Variants in MYH9 observed in about 807,000 individuals in gnomAD.
MYH9 encodes the protein myosin heavy chain 9.
MYH9 carries 29 observed loss-of-function variants against 241.9 expected under a neutral mutation model. The observed-to-expected ratio is 0.12, with a 90% CI of 0.09 to 0.16. The LOEUF (loss-of-function observed/expected upper bound fraction) is 0.16. Ranked by LOEUF, MYH9 falls within the 10% of genes least tolerant of loss-of-function variation. The probability of loss-of-function intolerance (pLI) is 1.00; values close to 1 mark genes in which losing one functional copy is unlikely to be tolerated. For synonymous variants in MYH9, 1,047 were observed against 1,062.6 expected (o/e 0.99, Z 0.29); for missense variants, 1,803 against 2,595.5 (o/e 0.69, Z 6.63).
At chr22:36,370,412 AG>A (rs1239293957) in intron 1 of MYH9, among the ~76,000 whole-genome samples, 1 of 152,254 alleles carries the variant, frequency 6.6e-6, no homozygotes, top group African/African-American at 2.4e-5. Context: ...ACCATGGGCA[AG>A]GCACCATGCA....
intron 19 of MYH9, among the ~76,000 whole-genome samples, chr22:36,303,396 A>T (rs967736481): frequency 2.6e-5 from 4 of 151,786 alleles, no homozygotes; most frequent in Admixed American, 2.0e-4. Flanking sequence ...CAAGGGTCAC[A>T]CGGTAAGGAG....
At chr22:36,369,428 G>A (rs1023458026) in intron 1 of MYH9, among the ~76,000 whole-genome samples, 1 of 152,230 alleles carries the variant, frequency 6.6e-6, no homozygotes, top group East Asian at 1.9e-4. Flanking sequence ...GCGGCAGGCC[G>A]GCTCTGGGCA....
rs1219742198 is a variant in MYH9, at chr22:36,318,467, T to A, written c.1109-142A>T. ...AGAAAGCCACGGGGTGAATGAGCAA[T>A]CATTACCAGGACAACCGCATCTGGG... is the stretch of plus-strand genomic sequence containing the variant. On this transcript the variant is annotated intron_variant, in intron 10 of 40. Coordinates refer to ENST00000216181, the MANE Select transcript of MYH9 (RefSeq NM_002473.6). 18 of 769,042 alleles carry A rather than the reference T, an allele frequency of 2.3e-5. No individual in the cohort carries two copies. In the Admixed American group the frequency reaches 3.1e-4, roughly 13 times the overall value. 47.6% of individuals were successfully genotyped at this position (769,042 alleles called of 1,614,324 possible).
chr22:36,358,896 A>G (rs1432791487), intron 1 of MYH9, among the ~76,000 whole-genome samples: 1 of 152,210 alleles, frequency 6.6e-6, no homozygotes, highest in Non-Finnish European at 1.5e-5. Flanking sequence ...TAAAATCTGC[A>G]TGCTAAGCAA....
Position 36,294,181 on chromosome 22 carries a change from C to T in MYH9, c.3748G>A (p.Val1250Met), listed in dbSNP as rs774921084. The T allele has an allele frequency of 6.2e-7, 1 of 1,613,906 alleles. No homozygotes were observed. Among genetic ancestry groups the T allele is most frequent in the Non-Finnish European group, 8.5e-7 (1 of 1,180,046 alleles). ...TGCAGCTCCTGCAGCTGCGCCTCCA[C>T]TTTCTTGCGCTTGTGCTCCGAGTCC... ...KGDSEHKRKK[V>M]EAQLQELQVK... Residue 1250 changes from valine to methionine, a missense_variant, in exon 28 of 41, where the codon GTG (valine) becomes ATG (methionine). By Grantham distance (21) the Val-to-Met change is conservative (BLOSUM62 1). This residue lies in a region of MYH9 where 876 missense variants were observed against 1,077.8 expected (regional missense o/e 0.81). Coordinates refer to ENST00000216181, the MANE Select transcript of MYH9 (RefSeq NM_002473.6).
Position 36,293,640 on chromosome 22 carries a change from C to T in MYH9, c.3942+119G>A. On this transcript the variant is annotated intron_variant, in intron 29 of 40. Transcript: ENST00000216181. The surrounding 1 kb of genome is among the most constrained non-coding windows in gnomAD (Gnocchi z 5.1). ...CTGGGAGGACGCAGAGACCCACCCA[C>T]AGGATGAAGCAGATGAAGGAGAGGA... The T allele has an allele frequency of 1.5e-6, 2 of 1,325,828 alleles. No individual in the cohort carries two copies. Among genetic ancestry groups the T allele is most frequent in the Non-Finnish European group, 2.1e-6 (2 of 936,886 alleles). 82.1% of individuals were successfully genotyped at this position (1,325,828 alleles called of 1,614,324 possible).
intron 3 of MYH9, among the ~76,000 whole-genome samples, chr22:36,334,491 T>G (rs899364252): frequency 6.6e-6 from 1 of 152,206 alleles, no homozygotes; most frequent in East Asian, 1.9e-4. Context: ...CCAGACCAGA[T>G]AAGCCAGGAC....
rs745729891 is a variant in MYH9 at position 36,306,030 on chromosome 22, G to A, written c.2059C>T (p.Leu687Phe). Residue 687 changes from leucine (L) to phenylalanine (F), a missense_variant, in exon 17 of 41, where the codon CTC becomes TTC. This residue lies in a region of MYH9 where 163 missense variants were observed against 349.7 expected (regional missense o/e 0.47). Coordinates refer to ENST00000216181, the MANE Select transcript of MYH9 (RefSeq NM_002473.6). The surrounding 1 kb of genome is among the most constrained non-coding windows in gnomAD (Gnocchi z 4.1). ...TTGCAGCGCAGCTGGTCCAGCACGA[G>A]ATGCGGGTCCAGCTTGCCGGCCTGG... The part of the protein sequence containing the change: ...EKKAGKLDPH[L>F]VLDQLRCNGV... 6.2e-7 allele frequency: 1 copy of A among 1,613,188 alleles called. No homozygotes were observed. The highest frequency in any genetic ancestry group is 2.2e-5 in the East Asian group (1 of 44,898).
chr22:36,316,380 C>T lies in MYH9; in HGVS notation c.1380+137G>A, dbSNP rs1221685433. The T allele has an allele frequency of 1.4e-5, 18 of 1,289,638 alleles. No homozygotes were observed. In the African/African-American group the frequency reaches 2.4e-4, roughly 17 times the overall value. The allele number at this position is 1,289,638 out of a possible 1,614,324, so 79.9% of individuals were successfully genotyped here. On this transcript the variant is annotated intron_variant, in intron 12 of 40. Coordinates refer to ENST00000216181, the MANE Select transcript of MYH9 (RefSeq NM_002473.6). ...GAAAAAAAAAAAAACAACCCCACAC[C>T]CAACCAAAGTCTTCATGCAAAGGAG... is the stretch of plus-strand genomic sequence containing the variant.
At position 36,285,054 on chromosome 22, in the gene MYH9, C is replaced by G; in HGVS notation, c.5483+67G>C. 6.8e-7 allele frequency: 1 copy of G among 1,466,604 alleles called. No individual in the cohort carries two copies. The highest frequency in any genetic ancestry group is 9.4e-7 in the Non-Finnish European group (1 of 1,060,266). The allele number at this position is 1,466,604 out of a possible 1,614,324, so 90.8% of individuals were successfully genotyped here. A position where few individuals can be genotyped will look rare whatever the true frequency, so the allele number is the denominator to read the frequency against. ...GAGCTGGTTGTGGCCCAGATTTGGGCAGGACTGCAGGGGGGCCAGAGTTTT... is the reference window on the plus strand; with the variant it reads ...GAGCTGGTTGTGGCCCAGATTTGGGGAGGACTGCAGGGGGGCCAGAGTTTT... On this transcript the variant is annotated intron_variant, in intron 38 of 40. Coordinates refer to ENST00000216181, the MANE Select transcript of MYH9 (RefSeq NM_002473.6). This position sits in a 1 kb window ranked among gnomAD's most constrained non-coding sequence, Gnocchi z 7.0.
At chr22:36,292,513 T>G (rs1182099360) in intron 30 of MYH9, among the ~76,000 whole-genome samples, 1 of 152,214 alleles carries the variant, frequency 6.6e-6, no homozygotes, top group Non-Finnish European at 1.5e-5. Flanking sequence ...CCAAGCCTCT[T>G]GCTCTACGGA....
At chr22:36,342,305 GTTCT>G in intron 2 of MYH9, among the ~76,000 whole-genome samples, 1 of 152,260 alleles carries the variant, frequency 6.6e-6, no homozygotes, top group East Asian at 1.9e-4. Context: ...CAAGGGTAAG[GTTCT>G]TAACCTCTCT....
intron 18 of MYH9, 98 bp downstream of exon 18, chr22:36,304,932 TCCA>T: frequency 8.4e-7 from 1 of 1,183,706 alleles, no homozygotes; most frequent in Non-Finnish European, 1.3e-6. Context: ...AGCCTGGGCA[TCCA>T]CCGACCACTG....
Position 36,306,126 on chromosome 22 carries a change from T to C in MYH9, c.2038-75A>G. On this transcript the variant is annotated intron_variant, in intron 16 of 40. Coordinates refer to ENST00000216181, the MANE Select transcript of MYH9 (RefSeq NM_002473.6). The surrounding 1 kb of genome is among the most constrained non-coding windows in gnomAD (Gnocchi z 4.1). ...TCGGAGAATAGTCAGGGAACCCCTA[T>C]GAACCTGACAGGGCAAGAGCCTAAG... 1.9e-6 allele frequency: 3 copies of C among 1,599,304 alleles called. No homozygotes were observed. The highest frequency in any genetic ancestry group is 2.6e-6 in the Non-Finnish European group (3 of 1,175,080).
At chr22:36,307,009 T>C (rs2016981454) in intron 15 of MYH9, among the ~76,000 whole-genome samples, 2 of 151,826 alleles carry the variant, frequency 1.3e-5, no homozygotes, top group Admixed American at 1.3e-4. Context: ...TGCTGTCCTA[T>C]GGTCACAGTT....
rs368139360 is a variant in MYH9 at position 36,314,205 on chromosome 22, C to T, written c.1494G>A (p.Glu498=). 4 of 1,614,142 alleles carry T rather than the reference C, an allele frequency of 2.5e-6. No individual in the cohort carries two copies. The African/African-American group carries it at 4.0e-5, about 16-fold the overall frequency. The change falls in exon 13 of 41, where the codon GAG becomes GAA. Residue 498 remains glutamate, a synonymous_variant. Coordinates refer to ENST00000216181, the MANE Select transcript of MYH9 (RefSeq NM_002473.6). ...EQEEYQREGI[E]WNFIDFGLDL... ...CGAGGCCAAAGTCGATGAAGTTCCA[C>T]TCGATGCCCTCGCGCTGGTACTCCT...
rs932413544 is a variant in MYH9 at position 36,315,406 on chromosome 22, A to G, written c.1381-1088T>C. Among the ~76,000 whole-genome samples the G allele has an allele frequency of 2.0e-4, 31 of 152,166 alleles. 1 individual carries two copies. The highest frequency in any genetic ancestry group is 1.3e-4 in the Admixed American group (2 of 15,278). On this transcript the variant is annotated intron_variant, in intron 12 of 40. Transcript: ENST00000216181. The stretch of plus-strand genomic sequence containing the variant: ...TAAGAACCTCTAATCTACTGTAAGT[A>G]TCGGTTTCCCTACTAGACCTCAAAG...
chr22:36,359,645 G>T (rs1346467793), intron 1 of MYH9, among the ~76,000 whole-genome samples: 2 of 152,182 alleles, frequency 1.3e-5, no homozygotes, highest in Non-Finnish European at 2.9e-5. Context: ...AGCACCCCCT[G>T]ATTAACCAGT....
intron 3 of MYH9, 134 bp from the exon 4 acceptor site, chr22:36,327,622 T>C (rs2017356755): frequency 9.6e-7 from 1 of 1,038,598 alleles, no homozygotes; most frequent in Non-Finnish European, 1.5e-6. Flanking sequence ...TCTCGCAGTC[T>C]ACCCTCACAC....
Sources: gnomAD v4.1 joint callset for allele counts (sites outside exome capture counted in the v4.1 genomes callset) on GRCh38, gnomAD v4.1.1 for gene constraint, gnomAD v4.1.1 regional missense constraint, Gnocchi (gnomAD v3.1) non-coding constraint, MANE v1.5 for transcripts, NCBI Gene and HGNC (gene_info 2026-07-23, HGNC 2026-07-21) for gene names.